EYS: variants seen among roughly 807,000 people sequenced by gnomAD.
EYS encodes EGF-like photoreceptor maintenance factor, also known as protein eyes shut homolog.
A neutral mutation model predicts 282.1 loss-of-function variants in EYS; 250 were observed. The ratio of observed to expected loss-of-function variants is 0.89; its 90% CI spans 0.80 to 0.98. The LOEUF is 0.98. Among genes scored for constraint, EYS ranks in the 50% least tolerant of loss-of-function variants. EYS has a pLI of 0.00. For synonymous variants in EYS, 1,355 were observed against 1,282.9 expected, an observed-to-expected ratio of 1.06 and a Z score of -1.20; for missense variants, 4,016 against 3,709.0, an observed-to-expected ratio of 1.08 and a Z score of -2.15.
intron 31 of EYS, among the ~76,000 whole-genome samples, chr6:64,155,605 T>C (rs1451106514): frequency 2.6e-5 from 4 of 152,160 alleles, no homozygotes. Flanking sequence ...CATACTAATA[T>C]AACCCTAGGA....
intron 12 of EYS, among the ~76,000 whole-genome samples, chr6:65,124,197 A>G (rs1775651357): frequency 6.6e-6 from 1 of 151,988 alleles, no homozygotes; most frequent in South Asian, 2.1e-4. Flanking sequence ...AAAGGAATAA[A>G]TAAATGTAAA....
intron 39 of EYS, among the ~76,000 whole-genome samples, chr6:63,787,785 C>A (rs1770404222): frequency 6.6e-6 from 1 of 151,928 alleles, no homozygotes; most frequent in Admixed American, 6.6e-5. Flanking sequence ...CCTAAAAATG[C>A]AAAATTAGCT....
Position 63,720,736 on chromosome 6 carries a change from C to G in EYS, c.9295G>C (p.Val3099Leu), listed in dbSNP as rs915047356. The change falls in exon 43 of 43, where the codon GTT (valine) becomes CTT (leucine). Residue 3099 changes from valine to leucine, a missense_variant. Val to Leu is a conservative substitution (Grantham distance 32, BLOSUM62 1). Coordinates refer to ENST00000503581, the MANE Select transcript of EYS (RefSeq NM_001142800.2). ...GFEYGRKVNI[V>L]TQEIFKTNFV... ...TTGGTTTTAAAAATCTCTTGAGTAA[C>G]GATATTTACCTTTCTACCATATTCA... 6.5e-7 allele frequency: 1 copy of G among 1,548,550 alleles called. No homozygotes were observed. The highest frequency in any genetic ancestry group is 1.4e-5 in the African/African-American group (1 of 72,840).
At chr6:63,934,836 A>G (rs1178771339) in intron 35 of EYS, among the ~76,000 whole-genome samples, 2 of 152,218 alleles carry the variant, frequency 1.3e-5, no homozygotes, top group East Asian at 1.9e-4. Context: ...CCAACATGGC[A>G]CATGTATACA....
intron 28 of EYS, among the ~76,000 whole-genome samples, chr6:64,435,531 G>T (rs113926855): frequency 0.024 from 3,533 of 148,168 alleles, 138 homozygotes; most frequent in African/African-American, 0.077. Context: ...CTACATACCA[G>T]CTTATGGCTG....
intron 5 of EYS, among the ~76,000 whole-genome samples, chr6:65,457,962 C>T (rs1444027094): frequency 3.9e-5 from 6 of 152,072 alleles, no homozygotes; most frequent in Non-Finnish European, 8.8e-5. Context: ...CCTATATTAC[C>T]TTCTTAATCA....
chr6:63,740,328 T>C (rs1373171870), intron 41 of EYS, among the ~76,000 whole-genome samples: 1 of 152,200 alleles, frequency 6.6e-6, no homozygotes, highest in Non-Finnish European at 1.5e-5. Context: ...AGAAGCTCTC[T>C]TCTCTTTGCT....
chr6:65,650,533 G>T (rs1475765288), intron 1 of EYS, among the ~76,000 whole-genome samples: 1 of 152,146 alleles, frequency 6.6e-6, no homozygotes, highest in Non-Finnish European at 1.5e-5. Flanking sequence ...AGAATACTTT[G>T]TGTGGCTTTA....
chr6:65,351,170 A>C (rs1324719473), intron 9 of EYS, among the ~76,000 whole-genome samples: 1 of 151,796 alleles, frequency 6.6e-6, no homozygotes, highest in Non-Finnish European at 1.5e-5. Context: ...TGAAATTCAA[A>C]ATGAGTTTAA....
intron 8 of EYS, among the ~76,000 whole-genome samples, chr6:65,361,689 C>T (rs1212610338): frequency 6.6e-6 from 1 of 151,916 alleles, no homozygotes; most frequent in Non-Finnish European, 1.5e-5. Flanking sequence ...CTATGTTGCT[C>T]AGGTTGGTCT....
chr6:65,291,517 A>G lies in EYS; in HGVS notation c.2023+4346T>C, dbSNP rs140684483. 2.0e-4 allele frequency among the ~76,000 whole-genome samples: 31 copies of G among 151,718 alleles called. No homozygotes were observed. The East Asian group carries it at 5.6e-3, about 27-fold the overall frequency. ...TCTTATTGATATACACTGATGGTCAACATTCATGTGTTATTTTAAAAAAAG... is the reference window on the plus strand; with the variant it reads ...TCTTATTGATATACACTGATGGTCAGCATTCATGTGTTATTTTAAAAAAAG... On this transcript the variant is annotated intron_variant, in intron 12 of 42. Transcript: ENST00000503581.
At chr6:64,044,503 T>G (rs989958057) in intron 33 of EYS, among the ~76,000 whole-genome samples, 2 of 152,332 alleles carry the variant, frequency 1.3e-5, no homozygotes, top group East Asian at 3.9e-4. Context: ...AAAGCACTCA[T>G]GTAAGGTGAG....
chr6:65,332,286 T>G (rs1020143219), intron 11 of EYS: 22 of 701,866 alleles, frequency 3.1e-5, no homozygotes, highest in Non-Finnish European at 5.3e-5. Flanking sequence ...ATTGATACAT[T>G]AAATTACATT....
intron 19 of EYS, among the ~76,000 whole-genome samples, chr6:64,882,125 T>C (rs1387221068): frequency 1.3e-5 from 2 of 151,702 alleles, no homozygotes; most frequent in Non-Finnish European, 3.0e-5. Flanking sequence ...GAAGAGAACA[T>C]GGACATCAAG....
intron 12 of EYS, among the ~76,000 whole-genome samples, chr6:65,182,911 C>G (rs1765426851): frequency 6.6e-6 from 1 of 151,962 alleles, no homozygotes; most frequent in African/African-American, 2.4e-5. Flanking sequence ...ACCCCAGCCT[C>G]TTAAGTAGCT....
At chr6:64,762,611 A>C (rs765165866) in intron 22 of EYS, among the ~76,000 whole-genome samples, 8 of 152,286 alleles carry the variant, frequency 5.3e-5, no homozygotes, top group Non-Finnish European at 8.8e-5. Context: ...AAGAGCGCAC[A>C]TATGCAGATG....
chr6:65,327,078 G>T (rs1300782684), intron 11 of EYS, among the ~76,000 whole-genome samples: 3 of 151,474 alleles, frequency 2.0e-5, no homozygotes, highest in Non-Finnish European at 3.0e-5. Flanking sequence ...TAAATTAATA[G>T]CAGGCATTAT....
intron 26 of EYS, among the ~76,000 whole-genome samples, chr6:64,565,893 A>G (rs1244925777): frequency 6.6e-6 from 1 of 150,786 alleles, no homozygotes; most frequent in African/African-American, 2.5e-5. Context: ...TAGATACAAT[A>G]CAATTCTTTA....
chr6:64,910,819 T>C (rs961157173), intron 16 of EYS, among the ~76,000 whole-genome samples: 1 of 152,056 alleles, frequency 6.6e-6, no homozygotes, highest in East Asian at 1.9e-4. Context: ...ATTTTATAAA[T>C]TTATTAAATG....
Sources: allele counts gnomAD v4.1 joint callset (sites outside exome capture counted in the v4.1 genomes callset), GRCh38; gene constraint gnomAD v4.1.1; transcripts MANE v1.5; gene names NCBI Gene and HGNC (gene_info 2026-07-23, HGNC 2026-07-21).